Variants in RAD54L2 observed in about 807,000 individuals in gnomAD.
The protein encoded by RAD54L2 is helicase ARIP4.
Under a neutral mutation model 138.4 loss-of-function variants are expected in RAD54L2, and 27 were observed. The ratio of observed to expected loss-of-function variants is 0.20; its 90% CI spans 0.14 to 0.27. The LOEUF (loss-of-function observed/expected upper bound fraction) is 0.27. RAD54L2 is among the 10% of genes least tolerant of loss of function. The probability of loss-of-function intolerance (pLI) is 1.00; values close to 1 mark genes in which losing one functional copy is unlikely to be tolerated. For missense variants in RAD54L2, 1,396 were observed against 1,890.2 expected (o/e 0.74, Z 4.85); for synonymous variants, 644 against 723.2 (o/e 0.89, Z 1.76).
chr3:51,561,129 C>T (rs1457380308), intron 2 of RAD54L2, among the ~76,000 whole-genome samples: 1 of 152,214 alleles, frequency 6.6e-6, no homozygotes. Context: ...TGTTACTTCT[C>T]CAGGCTCATT....
chr3:51,611,850 C>T lies in RAD54L2; in HGVS notation c.140-15703C>T, dbSNP rs1255675645. Among the ~76,000 whole-genome samples the T allele has an allele frequency of 2.0e-5, 3 of 152,094 alleles. No homozygotes were observed. In the East Asian group the frequency reaches 5.8e-4, roughly 29 times the overall value. On this transcript the variant is annotated intron_variant, in intron 3 of 22. Coordinates refer to ENST00000684192, the MANE Select transcript of RAD54L2 (RefSeq NM_015106.4). ...GGATTACAGGTGTGAGCCACCGCGCCTGGCCTACCTTCTCTCCTTTCATAC... is the reference window on the plus strand; with the variant it reads ...GGATTACAGGTGTGAGCCACCGCGCTTGGCCTACCTTCTCTCCTTTCATAC...
At chr3:51,574,087 C>T (rs1326442571) in intron 2 of RAD54L2, among the ~76,000 whole-genome samples, 3 of 147,352 alleles carry the variant, frequency 2.0e-5, no homozygotes, top group Non-Finnish European at 4.4e-5. Context: ...TGAGCGAGAA[C>T]ATGCGGTGTT....
chr3:51,582,057 C>A (rs996877451), intron 2 of RAD54L2, among the ~76,000 whole-genome samples: 1 of 151,950 alleles, frequency 6.6e-6, no homozygotes, highest in African/African-American at 2.4e-5. Context: ...TAGGTGGGCA[C>A]TAGCATGCTG....
intron 2 of RAD54L2, among the ~76,000 whole-genome samples, chr3:51,577,184 A>G (rs1338473866): frequency 2.0e-5 from 3 of 152,032 alleles, no homozygotes; most frequent in African/African-American, 4.8e-5. Flanking sequence ...CTGAGTTCTA[A>G]TTTGATTGCA....
intron 2 of RAD54L2, among the ~76,000 whole-genome samples, chr3:51,557,974 T>G (rs2106637127): frequency 6.6e-6 from 1 of 151,218 alleles, no homozygotes; most frequent in South Asian, 2.1e-4. Context: ...GCCCCAGGAG[T>G]AGATGAAACC....
At chr3:51,540,051 C>A (rs1698511349) in intron 1 of RAD54L2, among the ~76,000 whole-genome samples, 1 of 152,176 alleles carries the variant, frequency 6.6e-6, no homozygotes, top group Non-Finnish European at 1.5e-5. Flanking sequence ...GTGACTCATA[C>A]TTTCTTTTCA....
chr3:51,614,553 G>T lies in RAD54L2; in HGVS notation c.140-13000G>T, dbSNP rs760013318. Among the ~76,000 whole-genome samples, 5 of 150,936 alleles carry T rather than the reference G, an allele frequency of 3.3e-5. No individual in the cohort carries two copies. In the South Asian group the frequency reaches 6.3e-4, roughly 19 times the overall value. On this transcript the variant is annotated intron_variant, in intron 3 of 22. Coordinates refer to ENST00000684192, the MANE Select transcript of RAD54L2 (RefSeq NM_015106.4). ...TTTTGAAACAAGATCTTGCTCTGTT[G>T]CCCAGGTTGGAGTGCAGTGGTGCAA...
chr3:51,578,962 G>A (rs958925849), intron 2 of RAD54L2, among the ~76,000 whole-genome samples: 23 of 152,174 alleles, frequency 1.5e-4, no homozygotes, highest in African/African-American at 4.8e-4. Flanking sequence ...GCTGATGAAA[G>A]TGGCTCTCAG....
rs1259167114 is a variant in RAD54L2, at chr3:51,646,389, A to G, written c.2934A>G (p.Thr978=). The G allele has an allele frequency of 3.1e-6, 5 of 1,613,740 alleles. No individual in the cohort carries two copies. In the African/African-American group the frequency reaches 6.7e-5, roughly 22 times the overall value. Residue 978 remains threonine, a synonymous_variant, in exon 19 of 23, where the codon ACA becomes ACG. Transcript: ENST00000684192. The part of the protein sequence containing the change: ...AKKSYEEDKR[T]SVPYTRPSYA... Reference sequence around the variant, plus strand: ...AAAGCTATGAGGAAGACAAACGCACATCAGTCCCCTATACCCGCCCATCGT... The same window carrying G: ...AAAGCTATGAGGAAGACAAACGCACGTCAGTCCCCTATACCCGCCCATCGT...
chr3:51,597,217 G>T (rs907026396), intron 3 of RAD54L2, among the ~76,000 whole-genome samples: 1 of 124,024 alleles, frequency 8.1e-6, no homozygotes, highest in Non-Finnish European at 1.7e-5. Flanking sequence ...CTTTTCTCAA[G>T]AATTTTATAA....
intron 3 of RAD54L2, among the ~76,000 whole-genome samples, chr3:51,598,177 G>GTATATATATA (rs71084152): frequency 2.2e-5 from 3 of 135,258 alleles, no homozygotes; most frequent in Non-Finnish European, 3.2e-5. Context: ...GTGTGTGTGT[G>GTATATATATA]TATATATATA....
At chr3:51,635,518 C>A in intron 9 of RAD54L2, 75 bp from the exon 10 acceptor site, 1 of 1,433,276 alleles carries the variant, frequency 7.0e-7, no homozygotes, top group Non-Finnish European at 9.4e-7. Context: ...AGCAATTCTT[C>A]CTTGGGAGCA....
intron 2 of RAD54L2, among the ~76,000 whole-genome samples, chr3:51,549,864 T>A (rs965135809): frequency 6.6e-6 from 1 of 152,012 alleles, no homozygotes; most frequent in African/African-American, 2.4e-5. Flanking sequence ...CCAGTCCCAC[T>A]GTCTCCACAC....
At chr3:51,542,448 T>C (rs1698576503) in intron 2 of RAD54L2, among the ~76,000 whole-genome samples, 1 of 151,508 alleles carries the variant, frequency 6.6e-6, no homozygotes, top group Non-Finnish European at 1.5e-5. Flanking sequence ...TTTGAGGTTG[T>C]CTTTTTTTTT....
intron 2 of RAD54L2, among the ~76,000 whole-genome samples, chr3:51,580,241 G>A (rs1699576492): frequency 1.3e-5 from 2 of 152,120 alleles, no homozygotes. Flanking sequence ...ATTTTGCTTA[G>A]GTTTACCTGT....
intron 2 of RAD54L2, among the ~76,000 whole-genome samples, chr3:51,577,470 T>G (rs868688408): frequency 3.2e-4 from 48 of 152,244 alleles, no homozygotes; most frequent in Admixed American, 3.0e-3. Context: ...TTATTATTGT[T>G]TGGGAGTCTA....
At chr3:51,658,007 C>T (rs1456861962) in intron 21 of RAD54L2, among the ~76,000 whole-genome samples, 1 of 148,348 alleles carries the variant, frequency 6.7e-6, no homozygotes, top group Non-Finnish European at 1.5e-5. Flanking sequence ...TCACTGCAAC[C>T]TCCACCTCCC....
At chr3:51,635,214 CCCTT>C (rs1393364033) in intron 9 of RAD54L2, among the ~76,000 whole-genome samples, 1 of 152,150 alleles carries the variant, frequency 6.6e-6, no homozygotes, top group Non-Finnish European at 1.5e-5. Context: ...CAGAATGTTG[CCCTT>C]CCTTCTGTGA....
intron 2 of RAD54L2, among the ~76,000 whole-genome samples, chr3:51,562,219 C>T (rs1174847626): frequency 6.6e-6 from 1 of 150,764 alleles, no homozygotes; most frequent in Non-Finnish European, 1.5e-5. Context: ...TATTTTTATT[C>T]TTTAAATTTT....
Sources: gnomAD v4.1 joint callset for allele counts (sites outside exome capture counted in the v4.1 genomes callset) on GRCh38, gnomAD v4.1.1 for gene constraint, MANE v1.5 for transcripts, NCBI Gene and HGNC (gene_info 2026-07-23, HGNC 2026-07-21) for gene names.